Variants in ZFYVE27 observed in about 807,000 individuals in gnomAD.
ZFYVE27 encodes the protein zinc finger FYVE-type containing 27.
In ZFYVE27, 36 loss-of-function variants were observed where a neutral mutation model predicts 52.8. The observed-to-expected ratio is 0.68, with a 90% confidence interval of 0.52 to 0.90. The LOEUF (loss-of-function observed/expected upper bound fraction) is 0.90, where lower values mean the gene tolerates loss of function less well. Ranked by LOEUF, ZFYVE27 falls within the 40% of genes least tolerant of loss-of-function variation. The probability of loss-of-function intolerance (pLI) is 0.00; values close to 1 mark genes in which losing one functional copy is unlikely to be tolerated. For synonymous variants in ZFYVE27, 223 were observed against 215.6 expected (o/e 1.03, Z -0.30); for missense variants, 450 against 527.2 (o/e 0.85, Z 1.43).
At position 97,744,848 on chromosome 10, in the gene ZFYVE27, G is replaced by A. The variant is rs373443842; in HGVS notation, c.388G>A (p.Val130Met). 3 of 1,613,048 alleles carry A rather than the reference G, an allele frequency of 1.9e-6. No homozygotes were observed. The highest frequency in any genetic ancestry group is 2.2e-5 in the East Asian group (1 of 44,880). The part of the protein sequence containing the change: ...SELMRRKYHS[V>M]RQEDLQRGRL... ...GCTGATGCGGAGGAAGTATCATAGC[G>A]TGAGGCAGGAGGACCTGCAGAGAGG... The change falls in exon 4 of 13, where the codon GTG (valine) becomes ATG (methionine). Residue 130 changes from valine to methionine, a missense_variant. Transcript: ENST00000684270.
rs370817499 is a variant in ZFYVE27 at position 97,755,731 on chromosome 10, G to A, written c.1043-1534G>A. 2.4e-3 allele frequency among the ~76,000 whole-genome samples: 369 copies of A among 152,320 alleles called. 2 individuals carry two copies. The highest frequency in any genetic ancestry group is 0.014 in the South Asian group (68 of 4,820). On this transcript the variant is annotated intron_variant, in intron 10 of 12. Coordinates refer to ENST00000684270, the MANE Select transcript of ZFYVE27 (RefSeq NM_001385875.1). ...GAGAATGAGGGCAGACTGCAAAGGAGCTTCTCTGTGGCCTCCGTATGGGAG... is the reference window on the plus strand; with the variant it reads ...GAGAATGAGGGCAGACTGCAAAGGAACTTCTCTGTGGCCTCCGTATGGGAG...
intron 8 of ZFYVE27, 38 bp from the exon 9 acceptor site, chr10:97,752,819 T>C (rs1225645761): frequency 1.2e-6 from 2 of 1,610,962 alleles, no homozygotes; most frequent in East Asian, 2.2e-5. Flanking sequence ...TCTTTTTCTT[T>C]CTGTTTTCTC....
intron 2 of ZFYVE27, among the ~76,000 whole-genome samples, chr10:97,741,767 A>T (rs977866104): frequency 6.6e-6 from 1 of 152,110 alleles, no homozygotes; most frequent in African/African-American, 2.4e-5. Context: ...TATAATAATA[A>T]AAAAAAGTAA....
chr10:97,753,058 G>A lies in ZFYVE27; in HGVS notation c.918G>A (p.Pro306=), dbSNP rs199504670. Residue 306 remains proline (P), a synonymous_variant, in exon 10 of 13, where the codon CCG becomes CCA. Transcript: ENST00000684270. ...CACAGGAGGATGATGAGGGCGCCCC[G>A]TGCCCAGCAGAGGATGAGCTGGCCC... ...LVVLEDDEGA[P]CPAEDELALQ... The A allele has an allele frequency of 1.2e-5, 20 of 1,611,908 alleles. No homozygotes were observed. The highest frequency in any genetic ancestry group is 8.4e-5 in the Admixed American group (5 of 59,668).
chr10:97,753,898 G>A (rs1265386103), intron 10 of ZFYVE27, among the ~76,000 whole-genome samples: 1 of 152,218 alleles, frequency 6.6e-6, no homozygotes, highest in Admixed American at 6.5e-5. Context: ...ACTGAGGGTC[G>A]GGGGAGAGCG....
chr10:97,753,218 GT>G, intron 10 of ZFYVE27, 36 bp downstream of exon 10: 1 of 1,597,316 alleles, frequency 6.3e-7, no homozygotes, highest in Non-Finnish European at 8.5e-7. Context: ...TGGTGGGGGA[GT>G]GGGGGTGGAC....
At position 97,750,429 on chromosome 10, in the gene ZFYVE27, G is replaced by A. The variant is rs1159588262; in HGVS notation, c.763G>A (p.Asp255Asn). 22 of 1,613,944 alleles carry A rather than the reference G, an allele frequency of 1.4e-5. No individual in the cohort carries two copies. Among genetic ancestry groups the A allele is most frequent in the Non-Finnish European group, 1.8e-5 (21 of 1,179,974 alleles). The change falls in exon 7 of 13, where the codon GAT becomes AAT. Residue 255 changes from aspartate to asparagine, a missense_variant. Transcript: ENST00000684270. ...SPPPPDVGGK[D>N]GLMDSTPALT... is the part of the protein sequence containing the mutation. The stretch of plus-strand genomic sequence containing the variant: ...TCCACCACCAGATGTTGGGGGGAAG[G>A]ATGGTCTGATGGACAGCACGCCTGC...
intron 10 of ZFYVE27, among the ~76,000 whole-genome samples, chr10:97,753,768 T>C (rs2047621789): frequency 6.6e-6 from 1 of 152,174 alleles, no homozygotes; most frequent in South Asian, 2.1e-4. Flanking sequence ...ACCCACGCTG[T>C]GGGTTCCTAG....
At chr10:97,745,145 TC>T (rs1338568559) in intron 4 of ZFYVE27, among the ~76,000 whole-genome samples, 1 of 143,076 alleles carries the variant, frequency 7.0e-6, no homozygotes, top group Non-Finnish European at 1.5e-5. Flanking sequence ...AGAATCTCGA[TC>T]TAGCTGTTTG....
chr10:97,752,532 T>C (rs866156805), intron 8 of ZFYVE27, among the ~76,000 whole-genome samples: 23 of 152,260 alleles, frequency 1.5e-4, no homozygotes, highest in Non-Finnish European at 2.4e-4. Context: ...CTATAAAATA[T>C]GTAAAACTTA....
chr10:97,737,693 C>G (rs1249456496), intron 1 of ZFYVE27, among the ~76,000 whole-genome samples: 5 of 152,346 alleles, frequency 3.3e-5, no homozygotes, highest in Non-Finnish European at 1.5e-5. Flanking sequence ...TCCGCCCCCT[C>G]GTTTGCTGCT....
intron 4 of ZFYVE27, among the ~76,000 whole-genome samples, chr10:97,745,212 C>T (rs1318449424): frequency 2.6e-5 from 4 of 151,602 alleles, no homozygotes; most frequent in Non-Finnish European, 4.4e-5. Context: ...GTTTCGCTCT[C>T]GTTGTCCAGG....
intron 2 of ZFYVE27, among the ~76,000 whole-genome samples, chr10:97,741,540 C>A (rs1219336844): frequency 2.0e-5 from 3 of 152,104 alleles, no homozygotes; most frequent in Non-Finnish European, 4.4e-5. Flanking sequence ...CACATGTTCT[C>A]ACTCATAAGT....
At chr10:97,738,735 A>G in intron 2 of ZFYVE27, 61 bp downstream of exon 2, 2 of 1,582,496 alleles carry the variant, frequency 1.3e-6, no homozygotes, top group Non-Finnish European at 1.7e-6. Context: ...CTCTGTAGTA[A>G]CTAACACTGA....
intron 10 of ZFYVE27, among the ~76,000 whole-genome samples, chr10:97,755,477 TAGAC>T (rs1479658457): frequency 6.6e-6 from 1 of 152,214 alleles, no homozygotes; most frequent in African/African-American, 2.4e-5. Context: ...TCCGTCGTCA[TAGAC>T]AGCACCTTCT....
In ZFYVE27 at chr10:97,748,801, T is replaced by C. The variant is rs572468187; in HGVS notation, c.551+437T>C. 2.6e-5 allele frequency among the ~76,000 whole-genome samples: 4 copies of C among 152,330 alleles called. No homozygotes were observed. In the South Asian group the frequency reaches 8.3e-4, roughly 32 times the overall value. On this transcript the variant is annotated intron_variant, in intron 5 of 12. Transcript: ENST00000684270. ...ACCAGATTAATATAGATGGCAAATA[T>C]AATTTGTGAAACCATTCTGTTACAG...
chr10:97,748,777 C>T (rs1157076537), intron 5 of ZFYVE27, among the ~76,000 whole-genome samples: 2 of 152,012 alleles, frequency 1.3e-5, no homozygotes, highest in African/African-American at 4.8e-5. Context: ...ATTTATAATA[C>T]CAGATTAATA....
chr10:97,745,104 T>G (rs577225934), intron 4 of ZFYVE27, among the ~76,000 whole-genome samples, 189 bp downstream of exon 4: 68 of 152,338 alleles, frequency 4.5e-4, no homozygotes, highest in Middle Eastern at 3.4e-3. Context: ...AAGGCTGACT[T>G]ACTTAGCTAG....
rs555148741 is a variant in ZFYVE27 at position 97,749,525 on chromosome 10, C to T, written c.603C>T (p.Leu201=). The T allele has an allele frequency of 1.9e-5, 31 of 1,614,206 alleles. 1 individual carries two copies. In the Middle Eastern group the frequency reaches 3.6e-3, roughly 189 times the overall value. Residue 201 remains leucine, a synonymous_variant, in exon 6 of 13, where the codon CTC becomes CTT. Transcript: ENST00000684270. ...TCTGCATGCTGTATTTGCTGCCACT[C>T]TGCTGGGTTCTCACCCTTTTAAACA... ...GTVCMLYLLP[L]CWVLTLLNST...
Sources: allele counts gnomAD v4.1 joint callset (sites outside exome capture counted in the v4.1 genomes callset), GRCh38; gene constraint gnomAD v4.1.1; transcripts MANE v1.5; gene names NCBI Gene and HGNC (gene_info 2026-07-23, HGNC 2026-07-21).